Variants in CEP164 observed in about 807,000 individuals in gnomAD.
The protein encoded by CEP164 is centrosomal protein 164.
A neutral mutation model predicts 182.7 loss-of-function variants in CEP164; 162 were observed. The ratio of observed to expected loss-of-function variants is 0.89; its 90% confidence interval spans 0.78 to 1.01. The LOEUF is 1.01. CEP164 is among the 50% of genes least tolerant of loss of function. CEP164 has a pLI of 0.00. For synonymous variants in CEP164, 661 were observed against 690.0 expected (o/e 0.96, Z 0.66); for missense variants, 1,735 against 1,790.4 (o/e 0.97, Z 0.56).
chr11:117,334,970 G>A (rs2036836449), intron 1 of CEP164, among the ~76,000 whole-genome samples: 1 of 152,084 alleles, frequency 6.6e-6, no homozygotes. Context: ...CTCGTATAGA[G>A]CACATGCTTG....
chr11:117,397,084 G>C lies in CEP164; in HGVS notation c.3279-7G>C, dbSNP rs760674947. On this transcript the variant is annotated splice_polypyrimidine_tract_variant and splice_region_variant and intron_variant, in intron 26 of 32. Transcript: ENST00000278935. ...TCTGTTTTCCTTCTTCAACTCTCCT[G>C]CTCCAGCCTGTCCTCCCACAATGTC... The C allele has an allele frequency of 1.2e-6, 2 of 1,612,878 alleles. No individual in the cohort carries two copies. Among genetic ancestry groups the C allele is most frequent in the South Asian group, 2.2e-5 (2 of 90,890 alleles).
At chr11:117,360,775 C>T (rs367946235) in intron 5 of CEP164, among the ~76,000 whole-genome samples, 3 of 152,164 alleles carry the variant, frequency 2.0e-5, no homozygotes, top group East Asian at 3.8e-4. Context: ...GAGCTCTCCT[C>T]AAAGGCAACC....
At chr11:117,359,936 G>A (rs1487026021) in intron 5 of CEP164, among the ~76,000 whole-genome samples, 6 of 152,230 alleles carry the variant, frequency 3.9e-5, no homozygotes, top group South Asian at 2.1e-4. Context: ...TGTGAGTAGC[G>A]GGAGGTCTCA....
chr11:117,379,146 C>G (rs2043052587), intron 11 of CEP164, among the ~76,000 whole-genome samples: 1 of 152,216 alleles, frequency 6.6e-6, no homozygotes, highest in Non-Finnish European at 1.5e-5. Context: ...TGTCTGCAGG[C>G]TCTGCCCGTG....
chr11:117,335,928 C>G (rs1278823741), intron 2 of CEP164, among the ~76,000 whole-genome samples: 1 of 152,146 alleles, frequency 6.6e-6, no homozygotes, highest in Non-Finnish European at 1.5e-5. Context: ...TCAAACTTGT[C>G]TTCAATATTT....
Position 117,394,291 on chromosome 11 carries a change from ATTTT to A in CEP164, c.2617-57_2617-54del, listed in dbSNP as rs1180178662. The A allele has an allele frequency of 7.7e-6, 12 of 1,552,442 alleles. No homozygotes were observed. Among genetic ancestry groups the A allele is most frequent in the African/African-American group, 1.4e-5 (1 of 73,268 alleles). On this transcript the variant is annotated intron_variant, in intron 20 of 32. Coordinates refer to ENST00000278935, the MANE Select transcript of CEP164 (RefSeq NM_014956.5). The surrounding 1 kb of genome is among the most constrained non-coding windows in gnomAD (Gnocchi z 4.0). ...AGGCTGCAGGGCTAGGGGAGCTGTG[ATTTT>A]TGTGGTAGAAGGGGCTGCCGCAGCT...
chr11:117,331,827 G>A (rs544499033), intron 1 of CEP164, among the ~76,000 whole-genome samples: 121 of 151,170 alleles, frequency 8.0e-4, no homozygotes, highest in African/African-American at 2.8e-3. Context: ...GCTCACTGCA[G>A]CCTCGAACTC....
At chr11:117,399,720 G>C (rs1294392600) in intron 27 of CEP164, among the ~76,000 whole-genome samples, 1 of 152,098 alleles carries the variant, frequency 6.6e-6, no homozygotes, top group East Asian at 1.9e-4. Flanking sequence ...TTGATTTGCA[G>C]TTCTCTAATG....
intron 4 of CEP164, among the ~76,000 whole-genome samples, chr11:117,349,431 G>A (rs1195799533): frequency 6.6e-6 from 1 of 152,110 alleles, no homozygotes; most frequent in African/African-American, 2.4e-5. Context: ...ATTCATTTGG[G>A]TATATGCCCA....
rs981749795 is a variant in CEP164, at chr11:117,371,400, A to T, written c.1086A>T (p.Glu362Asp). 6.2e-7 allele frequency: 1 copy of T among 1,614,204 alleles called. No individual in the cohort carries two copies. Among genetic ancestry groups the T allele is most frequent in the Admixed American group, 1.7e-5 (1 of 60,028 alleles). Reference protein sequence around the residue: ...VDAGEEGSRREEAAKEPKKKA... With the variant: ...VDAGEEGSRRDEAAKEPKKKA... The stretch of plus-strand genomic sequence containing the variant: ...CAGGAGAGGAGGGTTCCAGGAGGGA[A>T]GAGGCAGCCAAGGAGCCAAAGAAGA... The change falls in exon 9 of 33, where the codon GAA (glutamate) becomes GAT (aspartate). Residue 362 changes from glutamate (E) to aspartate (D), a missense_variant. Physicochemically the swap from Glu to Asp is conservative, Grantham distance 45. Coordinates refer to ENST00000278935, the MANE Select transcript of CEP164 (RefSeq NM_014956.5).
At chr11:117,399,341 C>T (rs1000292872) in intron 27 of CEP164, among the ~76,000 whole-genome samples, 19 of 152,168 alleles carry the variant, frequency 1.2e-4, no homozygotes, top group African/African-American at 4.6e-4. Flanking sequence ...GCATAGTATT[C>T]CATGGTGTAT....
intron 23 of CEP164, 132 bp from the exon 24 acceptor site, chr11:117,395,415 G>T: frequency 9.1e-7 from 1 of 1,103,104 alleles, no homozygotes. Context: ...GACCTCAGAG[G>T]TGGTGACTTC....
chr11:117,384,754 T>C (rs1357892737), intron 14 of CEP164: 4 of 152,324 alleles, frequency 2.6e-5, no homozygotes, highest in Non-Finnish European at 4.4e-5. Flanking sequence ...TTCCGTGTTA[T>C]TAATCTTTAC....
chr11:117,363,997 C>T (rs973020630), intron 8 of CEP164: 1 of 152,140 alleles, frequency 6.6e-6, no homozygotes, highest in Non-Finnish European at 1.5e-5. Flanking sequence ...AACTCCCGGT[C>T]TCAAGCAGTC....
chr11:117,336,869 C>T (rs1490977671), intron 2 of CEP164, among the ~76,000 whole-genome samples: 2 of 151,952 alleles, frequency 1.3e-5, no homozygotes, highest in Admixed American at 6.6e-5. Context: ...TGGGGAGGTG[C>T]TCTGAGCAGG....
intron 2 of CEP164, among the ~76,000 whole-genome samples, chr11:117,337,554 G>A (rs875209): frequency 0.23 from 33,849 of 150,176 alleles, 3,950 homozygotes; most frequent in African/African-American, 0.27. Context: ...GAATTTTGAA[G>A]GGATGTAGCT....
chr11:117,373,667 T>A, intron 9 of CEP164, 84 bp from the exon 10 acceptor site: 2 of 1,207,758 alleles, frequency 1.7e-6, no homozygotes, highest in Non-Finnish European at 2.4e-6. Context: ...ATTGGCCCCA[T>A]GGCCTGAACA....
chr11:117,337,559 G>A (rs2037386330), intron 2 of CEP164, among the ~76,000 whole-genome samples: 1 of 148,104 alleles, frequency 6.8e-6, no homozygotes, highest in Non-Finnish European at 1.5e-5. Flanking sequence ...TTGAAGGGAT[G>A]TAGCTCCTTT....
chr11:117,411,323 G>A lies in CEP164; in HGVS notation c.4163+429G>A, dbSNP rs1323067488. 1 of 245,584 alleles carries A rather than the reference G, an allele frequency of 4.1e-6. No homozygotes were observed. The highest frequency in any genetic ancestry group is 8.0e-6 in the Non-Finnish European group (1 of 125,020). 15.2% of individuals were successfully genotyped at this position (245,584 alleles called of 1,614,324 possible). On this transcript the variant is annotated intron_variant, in intron 31 of 32. Coordinates refer to ENST00000278935, the MANE Select transcript of CEP164 (RefSeq NM_014956.5). This position sits in a 1 kb window ranked among gnomAD's most constrained non-coding sequence, Gnocchi z 4.4. ...TCCTGCTGAGCAACATCTGGAGTGA[G>A]AGGGACACCCTGTGGAGGAGACAGA...
Sources: gnomAD v4.1 joint callset for allele counts (sites outside exome capture counted in the v4.1 genomes callset) on GRCh38, gnomAD v4.1.1 for gene constraint, Gnocchi (gnomAD v3.1) non-coding constraint, MANE v1.5 for transcripts, NCBI Gene and HGNC (gene_info 2026-07-23, HGNC 2026-07-21) for gene names.